Variants in TXNDC9 observed in about 807,000 individuals in gnomAD.
TXNDC9 encodes the protein thioredoxin domain containing 9.
TXNDC9 carries 7 observed loss-of-function variants against 23.0 expected under a neutral mutation model. The ratio of observed to expected loss-of-function variants is 0.30; its 90% CI spans 0.17 to 0.57. The LOEUF is 0.57. Ranked by LOEUF, TXNDC9 falls within the 20% of genes least tolerant of loss-of-function variation. The probability of loss-of-function intolerance (pLI) is 0.90; values close to 1 mark genes in which losing one functional copy is unlikely to be tolerated. For missense variants in TXNDC9, 198 were observed against 252.6 expected, an observed-to-expected ratio of 0.78 and a Z score of 1.47; for synonymous variants, 72 against 90.6, an observed-to-expected ratio of 0.79 and a Z score of 1.17.
the TXNDC9 span, among the ~76,000 whole-genome samples, chr2:99,311,485 AG>A: frequency 1.6e-4 from 25 of 151,972 alleles, no homozygotes; most frequent in South Asian, 2.1e-4. Flanking sequence ...ATGGTGGGGG[AG>A]GGGGTCTCAC....
At chr2:99,333,725 T>C (rs1340964558) in intron 1 of TXNDC9, among the ~76,000 whole-genome samples, 1 of 152,214 alleles carries the variant, frequency 6.6e-6, no homozygotes, top group Non-Finnish European at 1.5e-5. Context: ...CACAGATTTT[T>C]TTCATGGCTG....
chr2:99,323,795 A>G (rs1351405164), intron 3 of TXNDC9, among the ~76,000 whole-genome samples: 2 of 152,110 alleles, frequency 1.3e-5, no homozygotes, highest in African/African-American at 4.8e-5. Context: ...TATTGTAACA[A>G]TCTTTTAGAC....
chr2:99,331,387 CA>C (rs1209528493), intron 2 of TXNDC9, among the ~76,000 whole-genome samples: 1 of 151,320 alleles, frequency 6.6e-6, no homozygotes, highest in Non-Finnish European at 1.5e-5. Context: ...CCAGCCTGAC[CA>C]ACATGATGAA....
the TXNDC9 span, among the ~76,000 whole-genome samples, chr2:99,307,868 C>A: frequency 6.6e-6 from 1 of 151,010 alleles, no homozygotes. Flanking sequence ...TTTTGCCAGA[C>A]GGTAAATCCC....
downstream of TXNDC9, among the ~76,000 whole-genome samples, chr2:99,314,774 AG>A (rs2094184962): frequency 6.6e-6 from 1 of 151,834 alleles, no homozygotes; most frequent in South Asian, 2.1e-4. Flanking sequence ...GCTGGTGCAA[AG>A]TGGGATGTCA....
intron 2 of TXNDC9, among the ~76,000 whole-genome samples, chr2:99,328,804 C>T (rs1452155304): frequency 4.8e-4 from 72 of 150,834 alleles, no homozygotes; most frequent in Non-Finnish European, 7.5e-4. Context: ...GGTGAAACCC[C>T]GTCTCTACTT....
rs1459191006 is a variant in TXNDC9, at chr2:99,319,455, T to TA, written c.*226dup. 1.9e-5 allele frequency: 7 copies of TA among 377,640 alleles called. No homozygotes were observed. The highest frequency in any genetic ancestry group is 1.5e-4 in the African/African-American group (7 of 47,182). 23.4% of individuals were successfully genotyped at this position (377,640 alleles called of 1,614,324 possible). On this transcript the variant is annotated 3_prime_UTR_variant, in exon 5 of 5. Coordinates refer to ENST00000264255, the MANE Select transcript of TXNDC9 (RefSeq NM_005783.4). ...ATTGTGATAAAGTCAATCTCAAAAATAGAGAATCCAGACCCTTCCCAGATA... is the reference window on the plus strand; with the variant it reads ...ATTGTGATAAAGTCAATCTCAAAAATAAGAGAATCCAGACCCTTCCCAGATA...
downstream of TXNDC9, among the ~76,000 whole-genome samples, chr2:99,317,239 G>A (rs1259155650): frequency 6.6e-6 from 1 of 151,736 alleles, no homozygotes; most frequent in Non-Finnish European, 1.5e-5. Flanking sequence ...TTGCTTTTTC[G>A]CTCCTTGTAT....
intron 3 of TXNDC9, among the ~76,000 whole-genome samples, chr2:99,326,674 T>C (rs919962249): frequency 3.3e-5 from 5 of 152,314 alleles, no homozygotes; most frequent in Admixed American, 2.6e-4. Context: ...TCTGCTTCCT[T>C]AGAGAAATTT....
rs1478608847 is a variant in TXNDC9, at chr2:99,327,670, C to T, written c.190-17G>A. The T allele has an allele frequency of 1.4e-6, 2 of 1,475,332 alleles. No individual in the cohort carries two copies. Among genetic ancestry groups the T allele is most frequent in the Non-Finnish European group, 1.9e-6 (2 of 1,055,836 alleles). The allele number at this position is 1,475,332 out of a possible 1,614,324, so 91.4% of individuals were successfully genotyped here. The stretch of plus-strand genomic sequence containing the variant: ...AAGCCATTCCTAATTTGGAGAGAGG[C>T]AAAACATTACACATGTGAGATATCT... On this transcript the variant is annotated splice_polypyrimidine_tract_variant and intron_variant, in intron 2 of 4. Transcript: ENST00000264255.
chr2:99,313,921 T>C, the TXNDC9 span, among the ~76,000 whole-genome samples: 1 of 152,240 alleles, frequency 6.6e-6, no homozygotes, highest in Non-Finnish European at 1.5e-5. Flanking sequence ...ATAGTAACAA[T>C]ACATCATGGG....
At chr2:99,327,143 G>A (rs373892690) in intron 3 of TXNDC9, among the ~76,000 whole-genome samples, 44 of 152,000 alleles carry the variant, frequency 2.9e-4, no homozygotes, top group African/African-American at 9.4e-4. Context: ...CGCGATCTCC[G>A]CTCACTGCAA....
chr2:99,317,352 C>T (rs974482029), downstream of TXNDC9, among the ~76,000 whole-genome samples: 1 of 152,098 alleles, frequency 6.6e-6, no homozygotes, highest in Admixed American at 6.6e-5. Context: ...TTCCCTCCAA[C>T]CCCTACCCTC....
chr2:99,315,351 C>T (rs1008144107), downstream of TXNDC9, among the ~76,000 whole-genome samples: 9 of 152,082 alleles, frequency 5.9e-5, no homozygotes, highest in African/African-American at 2.2e-4. Context: ...AGGCATGAGC[C>T]ACCGCGCCCG....
downstream of TXNDC9, among the ~76,000 whole-genome samples, chr2:99,316,780 G>A (rs892949373): frequency 1.3e-5 from 2 of 151,592 alleles, no homozygotes; most frequent in African/African-American, 4.8e-5. Context: ...TTTTTGAGAT[G>A]GAGTCTCACT....
intron 2 of TXNDC9, 142 bp from the exon 3 acceptor site, chr2:99,327,795 T>G (rs2094216166): frequency 1.8e-6 from 1 of 556,284 alleles, no homozygotes; most frequent in Non-Finnish European, 3.1e-6. Context: ...GTTTTTGTTT[T>G]TTTTTTTTGA....
chr2:99,332,394 G>A (rs2094228210), intron 2 of TXNDC9, among the ~76,000 whole-genome samples: 1 of 152,166 alleles, frequency 6.6e-6, no homozygotes, highest in Non-Finnish European at 1.5e-5. Flanking sequence ...AGTGAGTTGA[G>A]ATGACACCAC....
intron 1 of TXNDC9, among the ~76,000 whole-genome samples, chr2:99,333,628 GAAC>G (rs1474889957): frequency 6.6e-6 from 1 of 152,064 alleles, no homozygotes; most frequent in Non-Finnish European, 1.5e-5. Flanking sequence ...AAACAACTGC[GAAC>G]AATAGGAAGG....
intron 4 of TXNDC9, 114 bp from the exon 5 acceptor site, chr2:99,319,913 T>C (rs943981653): frequency 7.4e-6 from 5 of 678,812 alleles, no homozygotes; most frequent in Non-Finnish European, 1.2e-5. Flanking sequence ...TTCTTTAAAA[T>C]GCTGGTGTCA....
Sources: allele counts gnomAD v4.1 joint callset (sites outside exome capture counted in the v4.1 genomes callset), GRCh38; gene constraint gnomAD v4.1.1; transcripts MANE v1.5; gene names NCBI Gene and HGNC (gene_info 2026-07-23, HGNC 2026-07-21).